The following PTCHD4 variants were observed in gnomAD, a reference collection of about 807,000 sequenced individuals.
PTCHD4 encodes the protein patched domain containing 4.
Under a neutral mutation model 58.1 loss-of-function variants are expected in PTCHD4, and 33 were observed. The ratio of observed to expected loss-of-function variants is 0.57; its 90% CI spans 0.43 to 0.76. The LOEUF is 0.76. Ranked by LOEUF, PTCHD4 falls within the 30% of genes least tolerant of loss-of-function variation. The probability of loss-of-function intolerance (pLI) is 0.00; values close to 1 mark genes in which losing one functional copy is unlikely to be tolerated. For missense variants in PTCHD4, 1,058 were observed against 1,027.1 expected (o/e 1.03, Z -0.41); for synonymous variants, 478 against 409.6 (o/e 1.17, Z -2.02).
intron 4 of PTCHD4, among the ~76,000 whole-genome samples, chr6:47,929,408 G>A (rs1190758033): frequency 6.6e-6 from 1 of 152,164 alleles, no homozygotes; most frequent in Non-Finnish European, 1.5e-5. Flanking sequence ...AATCATAATA[G>A]AGAAGGGTAT....
chr6:48,098,653 A>C (rs1367177574), intron 1 of PTCHD4, among the ~76,000 whole-genome samples: 2 of 152,074 alleles, frequency 1.3e-5, no homozygotes, highest in East Asian at 3.9e-4. Context: ...TTTCATGATT[A>C]TGAAATTGAT....
chr6:48,092,937 C>G (rs1349472053), intron 1 of PTCHD4, among the ~76,000 whole-genome samples: 1 of 152,146 alleles, frequency 6.6e-6, no homozygotes, highest in Non-Finnish European at 1.5e-5. Context: ...TCTGTGCTCT[C>G]CACTCACTAT....
chr6:47,878,845 C>T lies in PTCHD4; in HGVS notation c.1990G>A (p.Gly664Ser), dbSNP rs781412213. 7.4e-6 allele frequency: 12 copies of T among 1,613,510 alleles called. No individual in the cohort carries two copies. In the South Asian group the frequency reaches 9.9e-5, roughly 13 times the overall value. Residue 664 changes from glycine to serine, a missense_variant, in exon 5 of 5, where the codon GGT becomes AGT. Physicochemically the swap from Gly to Ser is moderately conservative, Grantham distance 56. Transcript: ENST00000339488. ...VTVPVLIAGF[G>S]VLLVLILTFF... ...GTCAGGATTAACACCAGGAGAACAC[C>T]AAAGCCTGCAATCAGAACAGGCACT...
chr6:48,037,683 A>G (rs1763689225), intron 3 of PTCHD4, among the ~76,000 whole-genome samples: 1 of 152,182 alleles, frequency 6.6e-6, no homozygotes, highest in Non-Finnish European at 1.5e-5. Context: ...AGTCTCAAAA[A>G]CATCACTCAG....
At position 48,033,807 on chromosome 6, in the gene PTCHD4, T is replaced by C. The variant is rs533272528; in HGVS notation, c.418-24693A>G. 3.3e-5 allele frequency among the ~76,000 whole-genome samples: 5 copies of C among 152,196 alleles called. No homozygotes were observed. In the East Asian group the frequency reaches 9.7e-4, roughly 30 times the overall value. ...TGCCTTCTCTCAAACATCTTTTCCATTGATTTCAAGAGCCTGTGTTGGTCT... is the reference window on the plus strand; with the variant it reads ...TGCCTTCTCTCAAACATCTTTTCCACTGATTTCAAGAGCCTGTGTTGGTCT... On this transcript the variant is annotated intron_variant, in intron 3 of 4. Transcript: ENST00000339488.
intron 1 of PTCHD4, among the ~76,000 whole-genome samples, chr6:48,096,473 G>A (rs758796036): frequency 5.9e-5 from 9 of 151,994 alleles, no homozygotes; most frequent in East Asian, 1.9e-4. Context: ...TTAGCTGGGC[G>A]TGGTGGCGGG....
chr6:47,862,106 A>G lies in PTCHD4; in HGVS notation c.*16197T>C, dbSNP rs1763443757. On this transcript the variant is annotated 3_prime_UTR_variant, in exon 5 of 5. Transcript: ENST00000339488. ...ATTTGGTAAGAGATATTTGACTTAC[A>G]TATTGTGTGTAACTCTGATTGGAGT... Among the ~76,000 whole-genome samples the G allele has an allele frequency of 6.6e-6, 1 of 151,944 alleles. No individual in the cohort carries two copies. Among genetic ancestry groups the G allele is most frequent in the African/African-American group, 2.4e-5 (1 of 41,428 alleles).
At chr6:48,011,464 G>A (rs183525500) in intron 3 of PTCHD4, among the ~76,000 whole-genome samples, 198 of 151,976 alleles carry the variant, frequency 1.3e-3, no homozygotes, top group African/African-American at 4.5e-3. Context: ...TATAGATTCT[G>A]GATATTAGTT....
At chr6:47,893,964 T>C (rs1271185713) in intron 4 of PTCHD4, among the ~76,000 whole-genome samples, 1 of 152,206 alleles carries the variant, frequency 6.6e-6, no homozygotes, top group Non-Finnish European at 1.5e-5. Context: ...GCTGAGTTGT[T>C]TTCATTTGGT....
At chr6:48,088,625 C>T (rs939120902) in intron 1 of PTCHD4, among the ~76,000 whole-genome samples, 1 of 152,130 alleles carries the variant, frequency 6.6e-6, no homozygotes, top group African/African-American at 2.4e-5. Flanking sequence ...GTAGGAATAC[C>T]ATTAAGCATT....
At chr6:48,071,576 A>T (rs1562039605) in intron 1 of PTCHD4, among the ~76,000 whole-genome samples, 1 of 152,306 alleles carries the variant, frequency 6.6e-6, no homozygotes, top group East Asian at 1.9e-4. Context: ...ATAGTGTAGA[A>T]CATTTCCTTA....
At chr6:48,005,621 C>G (rs115389152) in intron 4 of PTCHD4, among the ~76,000 whole-genome samples, 2 of 152,278 alleles carry the variant, frequency 1.3e-5, no homozygotes, top group African/African-American at 4.8e-5. Context: ...GTATCTGAGG[C>G]TCTGTATGCA....
chr6:48,063,115 G>C (rs1450920549), intron 3 of PTCHD4, among the ~76,000 whole-genome samples: 1 of 152,086 alleles, frequency 6.6e-6, no homozygotes, highest in Non-Finnish European at 1.5e-5. Flanking sequence ...GAATACTCAA[G>C]CTTCTTTGGC....
At chr6:48,077,092 C>T (rs1051445328) in intron 1 of PTCHD4, among the ~76,000 whole-genome samples, 2 of 152,204 alleles carry the variant, frequency 1.3e-5, no homozygotes, top group Non-Finnish European at 2.9e-5. Flanking sequence ...TTTGAAAGGA[C>T]TCTTTTTCTA....
intron 4 of PTCHD4, among the ~76,000 whole-genome samples, chr6:47,943,227 G>A (rs553403511): frequency 1.3e-5 from 2 of 152,200 alleles, no homozygotes; most frequent in South Asian, 4.1e-4. Context: ...CATGTACAAT[G>A]TCGTGCATGG....
intron 3 of PTCHD4, among the ~76,000 whole-genome samples, chr6:48,048,513 G>C (rs1329517038): frequency 2.6e-5 from 4 of 151,808 alleles, no homozygotes; most frequent in Non-Finnish European, 5.9e-5. Flanking sequence ...GCCAAAATGG[G>C]GAAAAATCAA....
intron 4 of PTCHD4, among the ~76,000 whole-genome samples, chr6:47,920,507 G>A (rs562974568): frequency 1.2e-4 from 18 of 152,248 alleles, no homozygotes; most frequent in Admixed American, 1.0e-3. Context: ...GCATGAATCT[G>A]TATCCCAGAA....
chr6:47,955,521 G>A (rs1370589342), intron 4 of PTCHD4, among the ~76,000 whole-genome samples: 2 of 152,174 alleles, frequency 1.3e-5, no homozygotes, highest in Non-Finnish European at 2.9e-5. Flanking sequence ...GACCATTATG[G>A]TTGGTTTTGG....
At chr6:47,901,662 G>A in intron 4 of PTCHD4, 1 of 1,145,180 alleles carries the variant, frequency 8.7e-7, no homozygotes, top group Non-Finnish European at 1.1e-6. Context: ...TTAAGCACAG[G>A]GAGGAAAGAA....
Sources: allele counts gnomAD v4.1 joint callset (sites outside exome capture counted in the v4.1 genomes callset), GRCh38; gene constraint gnomAD v4.1.1; transcripts MANE v1.5; gene names NCBI Gene and HGNC (gene_info 2026-07-23, HGNC 2026-07-21).